PALM: variants seen among roughly 807,000 people sequenced by gnomAD.
PALM encodes the protein paralemmin-1.
Under a neutral mutation model 30.7 loss-of-function variants are expected in PALM, and 18 were observed. The observed-to-expected ratio is 0.59, with a 90% CI of 0.41 to 0.87. The LOEUF (loss-of-function observed/expected upper bound fraction) is 0.87. Among genes scored for constraint, PALM ranks in the 40% least tolerant of loss-of-function variants. PALM has a pLI of 0.00. For missense variants in PALM, 529 were observed against 555.4 expected, an observed-to-expected ratio of 0.95 and a Z score of 0.48; for synonymous variants, 286 against 242.8, an observed-to-expected ratio of 1.18 and a Z score of -1.66.
At chr19:738,488 T>C (rs543019849) in intron 7 of PALM, among the ~76,000 whole-genome samples, 1 of 151,832 alleles carries the variant, frequency 6.6e-6, no homozygotes, top group East Asian at 1.9e-4. Flanking sequence ...ATCACGCCAC[T>C]GCACTCCAGC....
chr19:731,973 G>A (rs982558086), intron 5 of PALM, among the ~76,000 whole-genome samples: 1 of 151,918 alleles, frequency 6.6e-6, no homozygotes, highest in Non-Finnish European at 1.5e-5. Context: ...TGGTTATTTT[G>A]TTTCTGTGTT....
Position 746,406 on chromosome 19 carries a change from G to A in PALM, c.756G>A (p.Gly252=), listed in dbSNP as rs1221019987. The part of the protein sequence containing the change: ...VTLSEAGSTA[G]AAETRGAVEG... ...TGAGCGAGGCAGGGTCCACGGCCGG[G>A]GCGGCAGAGACCCGGGGGGCTGTGG... is the stretch of plus-strand genomic sequence containing the variant. The change falls in exon 9 of 9, where the codon GGG becomes GGA. Residue 252 remains glycine, a synonymous_variant. Coordinates refer to ENST00000338448, the MANE Select transcript of PALM (RefSeq NM_002579.3). The surrounding 1 kb of genome is among the most constrained non-coding windows in gnomAD (Gnocchi z 7.1). The A allele has an allele frequency of 1.2e-6, 2 of 1,612,476 alleles. No individual in the cohort carries two copies. Among genetic ancestry groups the A allele is most frequent in the South Asian group, 1.1e-5 (1 of 91,014 alleles).
At chr19:727,435 A>G (rs1420616369) in intron 3 of PALM, 129 bp from the exon 4 acceptor site, 2 of 724,054 alleles carry the variant, frequency 2.8e-6, no homozygotes, top group African/African-American at 1.8e-5. Flanking sequence ...ACTGATCCCA[A>G]CCATAACCCT....
intron 8 of PALM, among the ~76,000 whole-genome samples, chr19:743,918 C>A (rs2033260978): frequency 6.6e-6 from 1 of 152,182 alleles, no homozygotes; most frequent in Non-Finnish European, 1.5e-5. Flanking sequence ...TCTTTTCAAA[C>A]ACAGAACATT....
rs201780424 is a variant in PALM at position 746,540 on chromosome 19, C to G, written c.890C>G (p.Pro297Arg). The G allele has an allele frequency of 6.2e-7, 1 of 1,613,202 alleles. No individual in the cohort carries two copies. Among genetic ancestry groups the G allele is most frequent in the East Asian group, 2.2e-5 (1 of 44,850 alleles). The part of the protein sequence containing the change: ...PPGIQPGQEP[P>R]VTMIFMGYQN... ...GGGATCCAGCCCGGCCAGGAGCCCC[C>G]GGTCACAATGATCTTCATGGGTTAC... The change falls in exon 9 of 9, where the codon CCG becomes CGG. Residue 297 changes from proline to arginine, a missense_variant. Transcript: ENST00000338448. This position sits in a 1 kb window ranked among gnomAD's most constrained non-coding sequence, Gnocchi z 7.1.
intron 6 of PALM, 27 bp from the exon 7 acceptor site, chr19:735,992 C>G (rs766022111): frequency 1.3e-6 from 2 of 1,598,946 alleles, no homozygotes; most frequent in African/African-American, 2.7e-5. Flanking sequence ...ACCCTCATCT[C>G]TCTCTCCGCT....
chr19:742,560 G>A lies in PALM; in HGVS notation c.634+2077G>A, dbSNP rs927641018. Among the ~76,000 whole-genome samples, 5 of 151,344 alleles carry A rather than the reference G, an allele frequency of 3.3e-5. No homozygotes were observed. The highest frequency in any genetic ancestry group is 5.9e-5 in the Non-Finnish European group (4 of 67,908). On this transcript the variant is annotated intron_variant, in intron 8 of 8. Coordinates refer to ENST00000338448, the MANE Select transcript of PALM (RefSeq NM_002579.3). The surrounding 1 kb of genome is among the most constrained non-coding windows in gnomAD (Gnocchi z 5.5). Reference sequence around the variant, plus strand: ...GCGGAGGTTGCAGTGAGCCGAGATCGCGCCACTGCTCTCCAGCCTGTGCGA... The same window carrying A: ...GCGGAGGTTGCAGTGAGCCGAGATCACGCCACTGCTCTCCAGCCTGTGCGA...
At chr19:736,851 C>T (rs1214336483) in intron 7 of PALM, among the ~76,000 whole-genome samples, 1 of 152,130 alleles carries the variant, frequency 6.6e-6, no homozygotes, top group Non-Finnish European at 1.5e-5. Context: ...GTCAGGAGTT[C>T]GAAACCAGCC....
intron 8 of PALM, among the ~76,000 whole-genome samples, chr19:740,968 CAAAA>C (rs60937470): frequency 2.1e-5 from 2 of 93,784 alleles, no homozygotes; most frequent in Admixed American, 1.1e-4. Context: ...CCGTCTCTAC[CAAAA>C]AAAAAAAAAA....
At chr19:716,896 G>A (rs1229842023) in intron 1 of PALM, among the ~76,000 whole-genome samples, 1 of 151,990 alleles carries the variant, frequency 6.6e-6, no homozygotes, top group Non-Finnish European at 1.5e-5. Flanking sequence ...GCTGCTTAAA[G>A]TGTACAGCTC....
At chr19:711,411 T>G (rs1460977877) in intron 1 of PALM, among the ~76,000 whole-genome samples, 1 of 152,140 alleles carries the variant, frequency 6.6e-6, no homozygotes, top group Non-Finnish European at 1.5e-5. Flanking sequence ...AGAACAGACT[T>G]GGGCCTGGAC....
At chr19:739,821 C>CA (rs1206842098) in intron 7 of PALM, among the ~76,000 whole-genome samples, 1 of 151,752 alleles carries the variant, frequency 6.6e-6, no homozygotes, top group Non-Finnish European at 1.5e-5. Flanking sequence ...ACTAAAAATA[C>CA]AAAAATTAGC....
rs1190890234 is a variant in PALM, at chr19:709,550, C to T, written c.5+399C>T. ...CCCTCCCCAGATTGCACCGGTCCGG[C>T]CTCGCGCTCACGCACCCTTCCCCCG... On this transcript the variant is annotated intron_variant, in intron 1 of 8. Coordinates refer to ENST00000338448, the MANE Select transcript of PALM (RefSeq NM_002579.3). The surrounding 1 kb of genome is among the most constrained non-coding windows in gnomAD (Gnocchi z 4.3). 6.6e-6 allele frequency among the ~76,000 whole-genome samples: 1 copy of T among 152,088 alleles called. No individual in the cohort carries two copies. The highest frequency in any genetic ancestry group is 2.4e-5 in the African/African-American group (1 of 41,434).
At position 746,586 on chromosome 19, in the gene PALM, C is replaced by CGAG; in HGVS notation, c.937_939dup (p.Glu313dup). On this transcript the variant is annotated inframe_insertion, in exon 9 of 9. Coordinates refer to ENST00000338448, the MANE Select transcript of PALM (RefSeq NM_002579.3). This position sits in a 1 kb window ranked among gnomAD's most constrained non-coding sequence, Gnocchi z 7.1. ...GTTACCAGAACGTGGAGGATGAGGC[C>CGAG]GAGACCAAGAAGGTGCTGGGCCTTC... 6.2e-7 allele frequency: 1 copy of CGAG among 1,613,380 alleles called. No individual in the cohort carries two copies. The highest frequency in any genetic ancestry group is 2.2e-5 in the East Asian group (1 of 44,852).
intron 1 of PALM, among the ~76,000 whole-genome samples, chr19:713,179 T>C (rs908041723): frequency 6.1e-5 from 9 of 146,812 alleles, no homozygotes; most frequent in Non-Finnish European, 1.2e-4. Context: ...TTGTGGGGCG[T>C]GGTGGTCTGG....
intron 1 of PALM, among the ~76,000 whole-genome samples, chr19:723,410 C>T (rs933991006): frequency 6.6e-6 from 1 of 152,074 alleles, no homozygotes; most frequent in Non-Finnish European, 1.5e-5. Flanking sequence ...CAGGCCCTGC[C>T]CGTCAGCCTG....
At chr19:733,151 C>G (rs1487299722) in intron 5 of PALM, among the ~76,000 whole-genome samples, 1 of 152,136 alleles carries the variant, frequency 6.6e-6, no homozygotes, top group Non-Finnish European at 1.5e-5. Flanking sequence ...GTCTCGAACT[C>G]CTGACCTCAG....
At chr19:716,008 C>T (rs2144849410) in intron 1 of PALM, among the ~76,000 whole-genome samples, 1 of 152,204 alleles carries the variant, frequency 6.6e-6, no homozygotes, top group Admixed American at 6.5e-5. Flanking sequence ...GTGGCTGTCT[C>T]CCGCCCCAGG....
intron 5 of PALM, 151 bp from the exon 6 acceptor site, chr19:734,022 C>A: frequency 1.5e-6 from 1 of 661,176 alleles, no homozygotes; most frequent in Non-Finnish European, 2.7e-6. Flanking sequence ...CTCTGTGTTT[C>A]TGGCCAGAGT....
Sources: gnomAD v4.1 joint callset for allele counts (sites outside exome capture counted in the v4.1 genomes callset) on GRCh38, gnomAD v4.1.1 for gene constraint, Gnocchi (gnomAD v3.1) non-coding constraint, MANE v1.5 for transcripts, NCBI Gene and HGNC (gene_info 2026-07-23, HGNC 2026-07-21) for gene names.